Variants in ANXA3 observed in about 807,000 individuals in gnomAD.
ANXA3 encodes the protein 35-alpha calcimedin.
A neutral mutation model predicts 48.8 loss-of-function variants in ANXA3; 46 were observed. The observed-to-expected ratio is 0.94, with a 90% CI of 0.74 to 1.21. The LOEUF (loss-of-function observed/expected upper bound fraction) is 1.21, where lower values mean the gene tolerates loss of function less well. Ranked by LOEUF, ANXA3 falls within the 50% of genes most tolerant of loss-of-function variation. The pLI is 0.00. For synonymous variants in ANXA3, 128 were observed against 134.7 expected (o/e 0.95, Z 0.35); for missense variants, 383 against 378.6 (o/e 1.01, Z -0.10).
rs369746897 is a variant in ANXA3 at position 78,582,269 on chromosome 4, G to A, written c.291G>A (p.Lys97=). 25 of 1,612,576 alleles carry A rather than the reference G, an allele frequency of 1.6e-5. No homozygotes were observed. Among genetic ancestry groups the A allele is most frequent in the Middle Eastern group, 1.6e-4 (1 of 6,076 alleles). The change falls in exon 5 of 13, where the codon AAG becomes AAA. Residue 97 remains lysine, a synonymous_variant. Coordinates refer to ENST00000264908, the MANE Select transcript of ANXA3 (RefSeq NM_005139.3). ...CTCCACCAGCAGTCTTTGATGCAAA[G>A]CAGCTAAAGAAATCCATGAAGGTAT... is the stretch of plus-strand genomic sequence containing the variant. ...LVTPPAVFDA[K]QLKKSMKGAG...
At chr4:78,588,580 C>T (rs1723226360) in intron 6 of ANXA3, among the ~76,000 whole-genome samples, 1 of 152,142 alleles carries the variant, frequency 6.6e-6, no homozygotes, top group Non-Finnish European at 1.5e-5. Flanking sequence ...GGGCTCAGAG[C>T]AGAGGCTTAA....
At chr4:78,587,905 A>G (rs1014880871) in intron 6 of ANXA3, among the ~76,000 whole-genome samples, 3 of 152,088 alleles carry the variant, frequency 2.0e-5, no homozygotes, top group Non-Finnish European at 4.4e-5. Context: ...CAGCCTGGCC[A>G]ATATGGTGAA....
chr4:78,554,245 CATAT>C (rs1343609604), intron 1 of ANXA3, among the ~76,000 whole-genome samples, 187 bp from the exon 2 acceptor site: 1 of 152,172 alleles, frequency 6.6e-6, no homozygotes, highest in East Asian at 1.9e-4. Context: ...CAGTCCCTTG[CATAT>C]GGTAGATGCT....
intron 9 of ANXA3, 77 bp from the exon 10 acceptor site, chr4:78,597,242 A>T: frequency 1.1e-6 from 1 of 920,070 alleles, no homozygotes; most frequent in Non-Finnish European, 1.7e-6. Context: ...TCTTCTGCAT[A>T]TCAAATAAAA....
chr4:78,559,501 G>A (rs1722584286), intron 2 of ANXA3, among the ~76,000 whole-genome samples: 1 of 152,106 alleles, frequency 6.6e-6, no homozygotes, highest in Non-Finnish European at 1.5e-5. Flanking sequence ...ACAAAATGAG[G>A]AAAGGGAATA....
chr4:78,570,728 AT>A (rs1465229903), intron 2 of ANXA3, among the ~76,000 whole-genome samples: 2 of 152,164 alleles, frequency 1.3e-5, no homozygotes, highest in African/African-American at 4.8e-5. Flanking sequence ...GCTCACTCTC[AT>A]TTATTGGGGC....
At chr4:78,560,368 A>G (rs1722602844) in intron 2 of ANXA3, among the ~76,000 whole-genome samples, 2 of 152,174 alleles carry the variant, frequency 1.3e-5, no homozygotes, top group African/African-American at 4.8e-5. Flanking sequence ...AAATTAAAGA[A>G]TTCCCTAGAA....
intron 8 of ANXA3, 102 bp from the exon 9 acceptor site, chr4:78,595,692 A>G (rs1179920792): frequency 5.0e-6 from 4 of 793,672 alleles, no homozygotes; most frequent in Non-Finnish European, 8.2e-6. Context: ...GATTTAGATA[A>G]TAGATGATGG....
At chr4:78,562,377 T>A (rs1471770043) in intron 2 of ANXA3, among the ~76,000 whole-genome samples, 1 of 152,232 alleles carries the variant, frequency 6.6e-6, no homozygotes, top group Non-Finnish European at 1.5e-5. Context: ...CTCTTTGTGT[T>A]TGATTCAGTA....
At chr4:78,598,148 T>C (rs1475206073) in intron 10 of ANXA3, among the ~76,000 whole-genome samples, 9 of 151,610 alleles carry the variant, frequency 5.9e-5, no homozygotes, top group African/African-American at 1.5e-4. Context: ...TTGGGCAACA[T>C]AGCAAGATCT....
chr4:78,601,372 T>TC (rs778184768), intron 10 of ANXA3, 138 bp from the exon 11 acceptor site: 2 of 684,522 alleles, frequency 2.9e-6, no homozygotes, highest in Non-Finnish European at 2.5e-6. Context: ...TTTCTTTCAT[T>TC]CCAAGTAAAA....
chr4:78,573,081 G>A, intron 2 of ANXA3, 99 bp from the exon 3 acceptor site: 1 of 921,010 alleles, frequency 1.1e-6, no homozygotes, highest in South Asian at 1.3e-5. Context: ...CGAATTATGG[G>A]TTTGTCATAT....
intron 6 of ANXA3, among the ~76,000 whole-genome samples, chr4:78,589,129 TCAGTTCTAAGAA>T (rs1437858739): frequency 6.6e-6 from 1 of 152,200 alleles, no homozygotes; most frequent in East Asian, 1.9e-4. Context: ...TGCTGTATCC[TCAGTTCTAAGAA>T]CAGTGGGGCA....
At position 78,561,987 on chromosome 4, in the gene ANXA3, A is replaced by T. The variant is rs570378671; in HGVS notation, c.15+7499A>T. On this transcript the variant is annotated intron_variant, in intron 2 of 12. Transcript: ENST00000264908. ...GGAATGAGTGGAATGAACACTAAAA[A>T]GCTGTTCTTTGCCATTCTCTGATGT... 7.2e-5 allele frequency among the ~76,000 whole-genome samples: 11 copies of T among 152,360 alleles called. No individual in the cohort carries two copies. In the South Asian group the frequency reaches 2.3e-3, roughly 32 times the overall value.
chr4:78,579,019 T>C lies in ANXA3; in HGVS notation c.104-8T>C. On this transcript the variant is annotated splice_region_variant and splice_polypyrimidine_tract_variant and intron_variant, in intron 3 of 12. Transcript: ENST00000264908. ...AATATTGAGTAAAATAACTTTTGTT[T>C]CATTTAGGAACTGATGAGAAAATGC... 6.3e-7 allele frequency: 1 copy of C among 1,592,656 alleles called. No individual in the cohort carries two copies. The highest frequency in any genetic ancestry group is 8.6e-7 in the Non-Finnish European group (1 of 1,161,854).
chr4:78,556,713 A>G (rs1722518195), intron 2 of ANXA3, among the ~76,000 whole-genome samples: 4 of 152,140 alleles, frequency 2.6e-5, no homozygotes, highest in African/African-American at 9.7e-5. Context: ...TGCTGCTTTT[A>G]TGAACATATC....
chr4:78,578,311 G>GAGAGAGAGAGAGAA (rs1334844493), intron 3 of ANXA3, among the ~76,000 whole-genome samples: 6 of 112,284 alleles, frequency 5.3e-5, no homozygotes, highest in Non-Finnish European at 9.4e-5. Context: ...GAGAGAGAGA[G>GAGAGAGAGAGAGAA]AGAGAGAGAG....
chr4:78,584,407 G>A (rs757022507), intron 5 of ANXA3, among the ~76,000 whole-genome samples: 5 of 152,024 alleles, frequency 3.3e-5, no homozygotes, highest in Non-Finnish European at 5.9e-5. Context: ...AAACTCCTGA[G>A]TCAAGCAATC....
At chr4:78,602,239 CAAAAAAAAAAAAAAAA>C (rs60958659) in intron 11 of ANXA3, 1 of 64,758 alleles carries the variant, frequency 1.5e-5, no homozygotes, top group African/African-American at 5.2e-5. Context: ...GACTCTGTCT[CAAAAAAAAAAAAAAAA>C]AAAGAAAATG....
Sources: allele counts gnomAD v4.1 joint callset (sites outside exome capture counted in the v4.1 genomes callset), GRCh38; gene constraint gnomAD v4.1.1; transcripts MANE v1.5; gene names NCBI Gene and HGNC (gene_info 2026-07-23, HGNC 2026-07-21).